SART1: variants seen among roughly 807,000 people sequenced by gnomAD.
SART1 encodes the protein spliceosome associated factor 1, recruiter of U4/U6.U5 tri-snRNP.
Under a neutral mutation model 105.0 loss-of-function variants are expected in SART1, and 28 were observed. The ratio of observed to expected loss-of-function variants is 0.27; its 90% confidence interval spans 0.20 to 0.37. The LOEUF is 0.37. Ranked by LOEUF, SART1 falls within the 10% of genes least tolerant of loss-of-function variation. The pLI, the probability that SART1 is intolerant of heterozygous loss-of-function variation, is 1.00. For synonymous variants in SART1, 472 were observed against 462.9 expected (o/e 1.02, Z -0.25); for missense variants, 894 against 1,106.5 (o/e 0.81, Z 2.72).
rs1429465955 is a variant in SART1, at chr11:65,978,391, G to A, written c.2173-209G>A. ...CCCCATGCTCTGCCCCCATGGCAGCGCATCCACTAGCCAAGCTGGTCTCCC... is the reference window on the plus strand; with the variant it reads ...CCCCATGCTCTGCCCCCATGGCAGCACATCCACTAGCCAAGCTGGTCTCCC... On this transcript the variant is annotated intron_variant, in intron 17 of 19. Transcript: ENST00000312397. This position sits in a 1 kb window ranked among gnomAD's most constrained non-coding sequence, Gnocchi z 6.8. 2.9e-5 allele frequency: 17 copies of A among 587,678 alleles called. No individual in the cohort carries two copies. Among genetic ancestry groups the A allele is most frequent in the African/African-American group, 5.6e-5 (3 of 53,630 alleles). The allele number at this position is 587,678 out of a possible 1,614,324, so 36.4% of individuals were successfully genotyped here.
rs187173913 is a variant in SART1, at chr11:65,972,946, C to A, written c.1573-3449C>A. Among the ~76,000 whole-genome samples the A allele has an allele frequency of 2.6e-5, 4 of 152,158 alleles. No individual in the cohort carries two copies. The East Asian group carries it at 7.7e-4, about 29-fold the overall frequency. ...CAGCACTTTGGGAGGCCAAGGCGGG[C>A]GGATCACGAGGTCAGGAGATGAGAC... On this transcript the variant is annotated intron_variant, in intron 12 of 19. Transcript: ENST00000312397.
At position 65,977,577 on chromosome 11, in the gene SART1, A is replaced by C; in HGVS notation, c.1960A>C (p.Thr654Pro). 6.2e-7 allele frequency: 1 copy of C among 1,613,930 alleles called. No individual in the cohort carries two copies. Among genetic ancestry groups the C allele is most frequent in the Non-Finnish European group, 8.5e-7 (1 of 1,179,952 alleles). Residue 654 changes from threonine (T) to proline (P), a missense_variant, in exon 16 of 20, where the codon ACA becomes CCA. Thr to Pro is a conservative substitution (Grantham distance 38). Coordinates refer to ENST00000312397, the MANE Select transcript of SART1 (RefSeq NM_005146.5). ...TCCATCCCTAGGGCTGCTGGAGACCACAGTGCAGAAGGTGGCCCGGGTGAA... is the reference window on the plus strand; with the variant it reads ...TCCATCCCTAGGGCTGCTGGAGACCCCAGTGCAGAAGGTGGCCCGGGTGAA... ...LCQNKGLLET[T>P]VQKVARVKAP...
At chr11:65,962,130 C>CCCGGCGGGGGGGGGGGGGGGGGG in intron 1 of SART1, 37 bp downstream of exon 1, 2 of 111,094 alleles carry the variant, frequency 1.8e-5, no homozygotes, top group Non-Finnish European at 3.2e-5. Flanking sequence ...GCGGGTCGGG[C>CCCGGCGGGGGGGGGGGGGGGGGG]GGGGGTCCCG....
Position 65,978,060 on chromosome 11 carries a change from G to A in SART1, c.2172+161G>A. The A allele has an allele frequency of 1.4e-6, 1 of 712,166 alleles. No individual in the cohort carries two copies. The highest frequency in any genetic ancestry group is 2.3e-6 in the Non-Finnish European group (1 of 435,284). The allele number at this position is 712,166 out of a possible 1,614,324, so 44.1% of individuals were successfully genotyped here. On this transcript the variant is annotated intron_variant, in intron 17 of 19. Transcript: ENST00000312397. The surrounding 1 kb of genome is among the most constrained non-coding windows in gnomAD (Gnocchi z 6.8). Reference sequence around the variant, plus strand: ...CACGGATGGGGAGGGGGCCCTCAGGGCTGAGGAAGGCTGTGCCTCAGTTTG... The same window carrying A: ...CACGGATGGGGAGGGGGCCCTCAGGACTGAGGAAGGCTGTGCCTCAGTTTG...
chr11:65,979,544 A>G lies in SART1; in HGVS notation c.*514A>G, dbSNP rs1855550471. On this transcript the variant is annotated 3_prime_UTR_variant, in exon 20 of 20. Coordinates refer to ENST00000312397, the MANE Select transcript of SART1 (RefSeq NM_005146.5). ...GCTGGGAGTATTTGGTGCACGCGGTATGGGGAGGGCTGAGCTCAGTGCCTC... is the reference window on the plus strand; with the variant it reads ...GCTGGGAGTATTTGGTGCACGCGGTGTGGGGAGGGCTGAGCTCAGTGCCTC... 4 of 165,744 alleles carry G rather than the reference A, an allele frequency of 2.4e-5. No homozygotes were observed. The highest frequency in any genetic ancestry group is 2.4e-4 in the Admixed American group (4 of 16,642). 10.3% of individuals were successfully genotyped at this position (165,744 alleles called of 1,614,324 possible).
At position 65,966,456 on chromosome 11, in the gene SART1, G is replaced by GGGAGCT. The variant is rs1565313481; in HGVS notation, c.1093_1098dup (p.Leu365_Glu366dup). 1.9e-6 allele frequency: 3 copies of GGGAGCT among 1,612,812 alleles called. No homozygotes were observed. The African/African-American group carries it at 4.0e-5, about 22-fold the overall frequency. On this transcript the variant is annotated inframe_insertion, in exon 9 of 20. Coordinates refer to ENST00000312397, the MANE Select transcript of SART1 (RefSeq NM_005146.5). ...GGCACGGCTGATGGCCTGCGGGAGC[G>GGGAGCT]GGAGCTGGAGGAGATCCGGGCCAAG...
chr11:65,964,352 T>C, intron 2 of SART1, 163 bp from the exon 3 acceptor site: 3 of 915,002 alleles, frequency 3.3e-6, no homozygotes, highest in Non-Finnish European at 5.2e-6. Flanking sequence ...CCATGTTTCC[T>C]GCTTTGGAGG....
intron 12 of SART1, 102 bp downstream of exon 12, chr11:65,967,923 C>A: frequency 3.1e-6 from 3 of 979,910 alleles, no homozygotes; most frequent in Non-Finnish European, 4.2e-6. Context: ...AGCCTCTTTT[C>A]CATTTGTTTT....
At position 65,974,534 on chromosome 11, in the gene SART1, C is replaced by T. The variant is rs1449616526; in HGVS notation, c.1573-1861C>T. Among the ~76,000 whole-genome samples the T allele has an allele frequency of 2.6e-5, 4 of 151,914 alleles. No individual in the cohort carries two copies. In the East Asian group the frequency reaches 7.8e-4, roughly 29 times the overall value. On this transcript the variant is annotated intron_variant, in intron 12 of 19. Transcript: ENST00000312397. Reference sequence around the variant, plus strand: ...TCTCTACTAAAAATACAAAAATTAGCTGGTTGTGGAGGCATGCACCTGTAG... The same window carrying T: ...TCTCTACTAAAAATACAAAAATTAGTTGGTTGTGGAGGCATGCACCTGTAG...
chr11:65,976,608 G>C lies in SART1; in HGVS notation c.1746+40G>C. 1 of 1,613,586 alleles carries C rather than the reference G, an allele frequency of 6.2e-7. No individual in the cohort carries two copies. Among genetic ancestry groups the C allele is most frequent in the Non-Finnish European group, 8.5e-7 (1 of 1,179,910 alleles). ...GCCCCGCCCTCTGCTTCCCTCGGCT[G>C]GGTGGGCTGGCTGGGGCCTGGGCCG... On this transcript the variant is annotated intron_variant, in intron 13 of 19. Coordinates refer to ENST00000312397, the MANE Select transcript of SART1 (RefSeq NM_005146.5). This position sits in a 1 kb window ranked among gnomAD's most constrained non-coding sequence, Gnocchi z 5.1.
intron 12 of SART1, among the ~76,000 whole-genome samples, chr11:65,973,322 G>A: frequency 6.6e-6 from 1 of 151,562 alleles, no homozygotes; most frequent in East Asian, 1.9e-4. Context: ...TATACAAACA[G>A]ACAAAACAAA....
intron 12 of SART1, among the ~76,000 whole-genome samples, chr11:65,975,670 T>A (rs943951949): frequency 3.3e-5 from 5 of 151,992 alleles, no homozygotes; most frequent in Non-Finnish European, 7.4e-5. Flanking sequence ...AAGATTTTTT[T>A]AAAAAAATGA....
intron 12 of SART1, among the ~76,000 whole-genome samples, chr11:65,972,666 CTAAGGCAGGAGGA>C (rs1855401696): frequency 6.6e-6 from 1 of 151,630 alleles, no homozygotes; most frequent in Non-Finnish European, 1.5e-5. Context: ...ACGCCGGAGG[CTAAGGCAGGAGGA>C]TTGCTTGAAT....
chr11:65,973,704 C>CA (rs1855428008), intron 12 of SART1, among the ~76,000 whole-genome samples: 2 of 152,150 alleles, frequency 1.3e-5, no homozygotes, highest in African/African-American at 4.8e-5. Flanking sequence ...GTACTTGGGA[C>CA]AAAAAAAGTC....
Position 65,976,604 on chromosome 11 carries a change from G to A in SART1, c.1746+36G>A, listed in dbSNP as rs568066835. 1.3e-5 allele frequency: 21 copies of A among 1,613,464 alleles called. No homozygotes were observed. The East Asian group carries it at 1.3e-4, about 10-fold the overall frequency. On this transcript the variant is annotated intron_variant, in intron 13 of 19. Transcript: ENST00000312397. This position sits in a 1 kb window ranked among gnomAD's most constrained non-coding sequence, Gnocchi z 5.1. Reference sequence around the variant, plus strand: ...GGCGGCCCCGCCCTCTGCTTCCCTCGGCTGGGTGGGCTGGCTGGGGCCTGG... The same window carrying A: ...GGCGGCCCCGCCCTCTGCTTCCCTCAGCTGGGTGGGCTGGCTGGGGCCTGG...
chr11:65,968,880 G>T (rs779242007), intron 12 of SART1, among the ~76,000 whole-genome samples: 28 of 152,188 alleles, frequency 1.8e-4, no homozygotes, highest in Non-Finnish European at 3.5e-4. Flanking sequence ...CACATGTTCT[G>T]TGTTTGTTGA....
rs1042246457 is a variant in SART1, at chr11:65,976,888, C to T, written c.1857+122C>T. 10 of 1,106,030 alleles carry T rather than the reference C, an allele frequency of 9.0e-6. No individual in the cohort carries two copies. The highest frequency in any genetic ancestry group is 2.0e-5 in the Admixed American group (1 of 49,592). 68.5% of individuals were successfully genotyped at this position (1,106,030 alleles called of 1,614,324 possible). A position where few individuals can be genotyped will look rare whatever the true frequency, so the allele number is the denominator to read the frequency against. On this transcript the variant is annotated intron_variant, in intron 14 of 19. Coordinates refer to ENST00000312397, the MANE Select transcript of SART1 (RefSeq NM_005146.5). This position sits in a 1 kb window ranked among gnomAD's most constrained non-coding sequence, Gnocchi z 5.1. ...AGTGGGCTCTGCAGACCTCCCAGGGCGATCTGAGGAGTAAATGAGGAAATT... is the reference window on the plus strand; with the variant it reads ...AGTGGGCTCTGCAGACCTCCCAGGGTGATCTGAGGAGTAAATGAGGAAATT...
intron 11 of SART1, 25 bp downstream of exon 11, chr11:65,967,611 A>C (rs1369740416): frequency 6.2e-7 from 1 of 1,607,104 alleles, no homozygotes; most frequent in Non-Finnish European, 8.5e-7. Context: ...AGGGGGTGGG[A>C]GGGGCAGGGA....
At chr11:65,965,826 A>G in intron 6 of SART1, 47 bp downstream of exon 6, 3 of 1,613,320 alleles carry the variant, frequency 1.9e-6, no homozygotes, top group Non-Finnish European at 2.5e-6. Context: ...TGGCCTTGCT[A>G]CCGGAATCCC....
Sources: allele counts gnomAD v4.1 joint callset (sites outside exome capture counted in the v4.1 genomes callset), GRCh38; gene constraint gnomAD v4.1.1; non-coding constraint Gnocchi (gnomAD v3.1); transcripts MANE v1.5; gene names NCBI Gene and HGNC (gene_info 2026-07-23, HGNC 2026-07-21).